Variants in BPIFC observed in about 807,000 individuals in gnomAD.
BPIFC encodes the protein BPI fold-containing family C protein.
BPIFC carries 60 observed loss-of-function variants against 57.6 expected under a neutral mutation model. That is an observed-to-expected ratio of 1.04 (90% CI 0.85 to 1.29). BPIFC has a LOEUF of 1.29. BPIFC is among the 50% of genes most tolerant of loss of function. The pLI, the probability that BPIFC is intolerant of heterozygous loss-of-function variation, is 0.00. For missense variants in BPIFC, 581 were observed against 600.5 expected (o/e 0.97, Z 0.34); for synonymous variants, 243 against 224.5 (o/e 1.08, Z -0.74).
rs1568953042 is a variant in BPIFC at position 32,442,747 on chromosome 22, TA to T, written c.595-17del. The T allele has an allele frequency of 1.1e-5, 17 of 1,611,776 alleles. No homozygotes were observed. Among genetic ancestry groups the T allele is most frequent in the Non-Finnish European group, 9.3e-6 (11 of 1,178,884 alleles). On this transcript the variant is annotated splice_polypyrimidine_tract_variant and intron_variant, in intron 7 of 16. Coordinates refer to ENST00000300399, the MANE Select transcript of BPIFC (RefSeq NM_174932.3). Reference sequence around the variant, plus strand: ...TGGGACAGAGCTGGCCACAAAGGAATAAAAAGAAAAAAGCAAGTTACCATGT... The same window carrying T: ...TGGGACAGAGCTGGCCACAAAGGAATAAAAGAAAAAAGCAAGTTACCATGT...
At chr22:32,445,515 C>T (rs549109010) in intron 7 of BPIFC, 120 bp downstream of exon 7, 238 of 1,068,744 alleles carry the variant, frequency 2.2e-4, no homozygotes, top group South Asian at 1.7e-3. Context: ...CCAGCCTGGG[C>T]GACAGAGCGA....
rs1434227431 is a variant in BPIFC at position 32,414,050 on chromosome 22, G to GC, written c.*252dup. 7.0e-6 allele frequency: 2 copies of GC among 284,768 alleles called. No homozygotes were observed. Among genetic ancestry groups the GC allele is most frequent in the African/African-American group, 4.4e-5 (2 of 45,010 alleles). The allele number at this position is 284,768 out of a possible 1,614,324, so 17.6% of individuals were successfully genotyped here. ...TAGCTCTTGTCCTAGAATCTTTCTTGCCCCAAACAAACAAACAAACATAAA... is the reference window on the plus strand; with the variant it reads ...TAGCTCTTGTCCTAGAATCTTTCTTGCCCCCAAACAAACAAACAAACATAAA... On this transcript the variant is annotated 3_prime_UTR_variant, in exon 17 of 17. Coordinates refer to ENST00000300399, the MANE Select transcript of BPIFC (RefSeq NM_174932.3).
intron 2 of BPIFC, 77 bp downstream of exon 2, chr22:32,461,497 G>C: frequency 1.3e-6 from 1 of 753,100 alleles, no homozygotes; most frequent in Non-Finnish European, 1.6e-6. Flanking sequence ...GTGGGATAAG[G>C]GGGTGTAAAG....
intron 10 of BPIFC, among the ~76,000 whole-genome samples, chr22:32,434,401 G>T (rs1008386217): frequency 6.8e-6 from 1 of 146,538 alleles, no homozygotes. Flanking sequence ...CAATCTATGT[G>T]TACATATTCT....
intron 6 of BPIFC, 71 bp from the exon 7 acceptor site, chr22:32,445,769 A>G: frequency 6.6e-7 from 1 of 1,505,610 alleles, no homozygotes; most frequent in East Asian, 2.4e-5. Flanking sequence ...AGCCATTTGT[A>G]AACCTTCCCT....
chr22:32,454,550 G>C (rs1934986954), intron 3 of BPIFC, among the ~76,000 whole-genome samples: 1 of 152,174 alleles, frequency 6.6e-6, no homozygotes, highest in South Asian at 2.1e-4. Context: ...TAAAGAGCTT[G>C]AGAAAAGTAA....
At chr22:32,445,604 T>C in intron 7 of BPIFC, 31 bp downstream of exon 7, 2 of 1,553,156 alleles carry the variant, frequency 1.3e-6, no homozygotes, top group African/African-American at 1.4e-5. Flanking sequence ...AATGGCATTT[T>C]ACTGTGGTTG....
intron 11 of BPIFC, among the ~76,000 whole-genome samples, chr22:32,432,952 T>C (rs1039887716): frequency 1.3e-5 from 2 of 152,130 alleles, no homozygotes; most frequent in Non-Finnish European, 1.5e-5. Flanking sequence ...CCTGTAATCC[T>C]AGCACGTTGG....
In BPIFC at chr22:32,414,406, G is replaced by C. The variant is rs745318588; in HGVS notation, c.1421C>G (p.Thr474Ser). ...TGAGGATGTTTCATACTTCAGGTCG[G>C]TGGAAATCAAAAGGAAACCCTGGAA... Reference protein sequence around the residue: ...EVLEGFLLISTDLKYETSSKQ... With the variant: ...EVLEGFLLISSDLKYETSSKQ... Residue 474 changes from threonine to serine, a missense_variant, in exon 17 of 17, where the codon ACC becomes AGC. Physicochemically the swap from Thr to Ser is moderately conservative, Grantham distance 58. Transcript: ENST00000300399. 1 of 1,613,848 alleles carries C rather than the reference G, an allele frequency of 6.2e-7. No individual in the cohort carries two copies. The highest frequency in any genetic ancestry group is 8.5e-7 in the Non-Finnish European group (1 of 1,179,816).
intron 13 of BPIFC, among the ~76,000 whole-genome samples, chr22:32,430,157 G>GGAA (rs989338636): frequency 6.6e-6 from 1 of 152,186 alleles, no homozygotes; most frequent in African/African-American, 2.4e-5. Context: ...CAGGCCATGG[G>GGAA]GAAGATCTTG....
intron 13 of BPIFC, among the ~76,000 whole-genome samples, chr22:32,422,950 A>T (rs115643178): frequency 0.018 from 2,807 of 152,360 alleles, 33 homozygotes; most frequent in African/African-American, 0.033. Context: ...TGTTAAAAAC[A>T]GTGCAAAGCA....
intron 14 of BPIFC, 113 bp from the exon 15 acceptor site, chr22:32,417,261 G>A (rs538261846): frequency 2.6e-5 from 19 of 727,000 alleles, no homozygotes; most frequent in African/African-American, 5.6e-5. Context: ...CTCCAGCCTC[G>A]AACTCCTGGG....
chr22:32,431,390 C>G lies in BPIFC; in HGVS notation c.1174G>C (p.Val392Leu), dbSNP rs1398620226. 6.3e-7 allele frequency: 1 copy of G among 1,592,990 alleles called. No individual in the cohort carries two copies. Reference protein sequence around the residue: ...DFVASTSVGLVILGQRLVCSL... With the variant: ...DFVASTSVGLLILGQRLVCSL... Reference sequence around the variant, plus strand: ...CAGACCAGTCTTTGTCCCAAAATAACCAGGCCAACACTGGTACTAGCAACC... The same window carrying G: ...CAGACCAGTCTTTGTCCCAAAATAAGCAGGCCAACACTGGTACTAGCAACC... The change falls in exon 13 of 17, where the codon GTT becomes CTT. Residue 392 changes from valine to leucine, a missense_variant. Physicochemically the swap from Val to Leu is conservative, Grantham distance 32. Transcript: ENST00000300399.
intron 9 of BPIFC, among the ~76,000 whole-genome samples, chr22:32,436,323 A>G (rs2145935551): frequency 1.4e-5 from 2 of 145,986 alleles, no homozygotes; most frequent in Admixed American, 1.4e-4. Flanking sequence ...GAAGAGGAAG[A>G]AGAAGAAGAA....
chr22:32,462,995 T>C (rs1278501904), intron 1 of BPIFC, among the ~76,000 whole-genome samples: 1 of 151,966 alleles, frequency 6.6e-6, no homozygotes, highest in African/African-American at 2.4e-5. Flanking sequence ...ACAACTGGAG[T>C]TTTAAATTCC....
chr22:32,429,520 T>TG (rs200813028), intron 13 of BPIFC, among the ~76,000 whole-genome samples: 20,089 of 132,238 alleles, frequency 0.15, 1,875 homozygotes, highest in Non-Finnish European at 0.2. Context: ...TTTTTTTTTT[T>TG]TTTTTTTTTT....
chr22:32,446,692 A>G (rs1472113890), intron 5 of BPIFC: 6 of 947,684 alleles, frequency 6.3e-6, no homozygotes, highest in Non-Finnish European at 7.5e-6. Context: ...TTACACCCAG[A>G]ACAGTGATTT....
chr22:32,424,788 CCTTTTTT>C (rs1934016177), intron 13 of BPIFC, among the ~76,000 whole-genome samples: 1 of 125,536 alleles, frequency 8.0e-6, no homozygotes. Flanking sequence ...TCTTCTTCTT[CCTTTTTT>C]TTTGAGACGG....
At chr22:32,431,839 G>C (rs973830220) in intron 12 of BPIFC, among the ~76,000 whole-genome samples, 1 of 152,114 alleles carries the variant, frequency 6.6e-6, no homozygotes, top group Non-Finnish European at 1.5e-5. Context: ...TGAGGTAGGT[G>C]GTGGGAAGAG....
Sources: allele counts gnomAD v4.1 joint callset (sites outside exome capture counted in the v4.1 genomes callset), GRCh38; gene constraint gnomAD v4.1.1; transcripts MANE v1.5; gene names NCBI Gene and HGNC (gene_info 2026-07-23, HGNC 2026-07-21).